Variants in FSD2 observed in about 807,000 individuals in gnomAD.
The protein encoded by FSD2 is fibronectin type III and SPRY domain containing 2.
FSD2 carries 71 observed loss-of-function variants against 80.4 expected under a neutral mutation model. That is an observed-to-expected ratio of 0.88 (90% CI 0.73 to 1.08). The LOEUF is 1.08. Among genes scored for constraint, FSD2 ranks in the 50% least tolerant of loss-of-function variants. The probability of loss-of-function intolerance (pLI) is 0.00; values close to 1 mark genes in which losing one functional copy is unlikely to be tolerated. For missense variants in FSD2, 923 were observed against 913.8 expected (o/e 1.01, Z -0.13); for synonymous variants, 361 against 329.5 (o/e 1.10, Z -1.03).
At chr15:82,794,874 G>A (rs1190178309) in intron 1 of FSD2, among the ~76,000 whole-genome samples, 8 of 151,886 alleles carry the variant, frequency 5.3e-5, no homozygotes, top group Admixed American at 3.3e-4. Context: ...ACAGGCGCCC[G>A]CCACCACGCC....
intron 11 of FSD2, among the ~76,000 whole-genome samples, chr15:82,764,501 T>TC (rs2049365418): frequency 7.0e-6 from 1 of 141,938 alleles, no homozygotes; most frequent in South Asian, 2.3e-4. Context: ...GCTTTTTTTT[T>TC]TTTTTTTTTT....
At chr15:82,787,656 G>C (rs540735725) in intron 1 of FSD2, among the ~76,000 whole-genome samples, 188 bp from the exon 2 acceptor site, 4 of 151,592 alleles carry the variant, frequency 2.6e-5, no homozygotes, top group African/African-American at 9.7e-5. Flanking sequence ...GGTTAAAAGA[G>C]ACAAAAGAAA....
intron 9 of FSD2, among the ~76,000 whole-genome samples, chr15:82,768,150 T>C (rs1036701756): frequency 2.0e-5 from 3 of 152,254 alleles, no homozygotes; most frequent in African/African-American, 7.2e-5. Context: ...TCTTCTGTGA[T>C]AGATGAAACA....
At chr15:82,771,961 G>T in intron 7 of FSD2, 112 bp downstream of exon 7, 1 of 1,143,204 alleles carries the variant, frequency 8.7e-7, no homozygotes. Flanking sequence ...TCCTCTGCAT[G>T]TCTAGACCCA....
rs71156049 is a variant in FSD2 at position 82,769,565 on chromosome 15, CAAAA to C, written c.1402+181_1402+184del. Reference sequence around the variant, plus strand: ...ACTCCAGCCTGGGCGGGACTCATCTCAAAAAAAAAAAATGTCACTGTCAAACTAG... The same window carrying C: ...ACTCCAGCCTGGGCGGGACTCATCTCAAAAAAAATGTCACTGTCAAACTAG... On this transcript the variant is annotated intron_variant, in intron 8 of 12. Transcript: ENST00000334574. 2.1e-4 allele frequency among the ~76,000 whole-genome samples: 30 copies of C among 141,862 alleles called. 1 individual carries two copies. Among genetic ancestry groups the C allele is most frequent in the Non-Finnish European group, 6.2e-5 (4 of 64,774 alleles). 93.1% of individuals were successfully genotyped at this position (141,862 alleles called of 152,430 possible). A position where few individuals can be genotyped will look rare whatever the true frequency, so the allele number is the denominator to read the frequency against.
In FSD2 at chr15:82,795,657, C is replaced by T. The variant is rs918695396; in HGVS notation, c.-78-8189G>A. On this transcript the variant is annotated intron_variant, in intron 1 of 12. Transcript: ENST00000334574. ...CCAGCCTGGGCAATATGGTGAAAAC[C>T]CATCTCTACCAAAAATACAAAAAAA... is the stretch of plus-strand genomic sequence containing the variant. 5.3e-4 allele frequency among the ~76,000 whole-genome samples: 81 copies of T among 151,828 alleles called. 1 individual carries two copies. Among genetic ancestry groups the T allele is most frequent in the African/African-American group, 1.9e-3 (77 of 41,296 alleles).
intron 6 of FSD2, among the ~76,000 whole-genome samples, chr15:82,778,030 G>A (rs2049754868): frequency 1.3e-5 from 2 of 148,502 alleles, no homozygotes; most frequent in South Asian, 2.1e-4. Context: ...TAACTACTCA[G>A]GAGGCTGAGG....
At chr15:82,781,422 A>G (rs758794618) in intron 4 of FSD2, among the ~76,000 whole-genome samples, 125 of 152,098 alleles carry the variant, frequency 8.2e-4, no homozygotes, top group Admixed American at 1.7e-3. Context: ...GGGCGACTGT[A>G]CTCTTGGACA....
intron 1 of FSD2, among the ~76,000 whole-genome samples, chr15:82,805,654 G>A (rs923673511): frequency 6.6e-6 from 1 of 152,128 alleles, no homozygotes; most frequent in Non-Finnish European, 1.5e-5. Context: ...TTTCCAAACT[G>A]TTCTACCAAA....
intron 6 of FSD2, among the ~76,000 whole-genome samples, chr15:82,776,674 C>A (rs534092293): frequency 6.1e-4 from 93 of 152,090 alleles, no homozygotes; most frequent in African/African-American, 2.1e-3. Context: ...AAATGATCTA[C>A]AGATTCAAGG....
intron 1 of FSD2, among the ~76,000 whole-genome samples, chr15:82,794,721 C>G (rs1337822681): frequency 6.8e-6 from 1 of 146,438 alleles, no homozygotes; most frequent in Non-Finnish European, 1.5e-5. Context: ...TGGATTGGCT[C>G]TTTTCTTTTT....
In FSD2 at chr15:82,765,301, G is replaced by A; in HGVS notation, c.1688-3C>T. 6.2e-7 allele frequency: 1 copy of A among 1,613,146 alleles called. No individual in the cohort carries two copies. The highest frequency in any genetic ancestry group is 1.1e-5 in the South Asian group (1 of 90,894). ...CTTGTTTAGGCGAAAGTAGCTTCCTGTGGGAGGAGGAACACACAGAAGACC... is the reference window on the plus strand; with the variant it reads ...CTTGTTTAGGCGAAAGTAGCTTCCTATGGGAGGAGGAACACACAGAAGACC... On this transcript the variant is annotated splice_polypyrimidine_tract_variant and splice_region_variant and intron_variant, in intron 10 of 12. Coordinates refer to ENST00000334574, the MANE Select transcript of FSD2 (RefSeq NM_001007122.4).
At chr15:82,799,305 C>T (rs1375327540) in intron 1 of FSD2, among the ~76,000 whole-genome samples, 1 of 152,156 alleles carries the variant, frequency 6.6e-6, no homozygotes, top group Non-Finnish European at 1.5e-5. Context: ...CTGTGTCCCC[C>T]GGCTCAGCTG....
intron 6 of FSD2, among the ~76,000 whole-genome samples, chr15:82,774,791 G>A (rs559843921): frequency 3.6e-4 from 54 of 150,788 alleles, no homozygotes; most frequent in African/African-American, 1.2e-3. Context: ...GTGCGATCTC[G>A]GCTCACCACA....
intron 6 of FSD2, among the ~76,000 whole-genome samples, chr15:82,777,295 G>C (rs1303455362): frequency 1.3e-5 from 2 of 152,042 alleles, no homozygotes; most frequent in African/African-American, 4.8e-5. Context: ...ACAACCTGCA[G>C]AATAGAAGAA....
intron 1 of FSD2, among the ~76,000 whole-genome samples, chr15:82,798,571 G>A (rs1428265561): frequency 2.6e-5 from 4 of 152,080 alleles, no homozygotes; most frequent in Admixed American, 6.5e-5. Context: ...AGAAAAATAA[G>A]CAAAATATTT....
At chr15:82,786,662 G>T in intron 2 of FSD2, 56 bp from the exon 3 acceptor site, 1 of 1,603,388 alleles carries the variant, frequency 6.2e-7, no homozygotes, top group Non-Finnish European at 8.5e-7. Flanking sequence ...TCTCACTCTT[G>T]TAGAAGGCGT....
At chr15:82,788,029 G>T (rs2050045313) in intron 1 of FSD2, among the ~76,000 whole-genome samples, 1 of 152,036 alleles carries the variant, frequency 6.6e-6, no homozygotes, top group South Asian at 2.1e-4. Flanking sequence ...GCCTCCCAAA[G>T]TGCTGGAATT....
intron 4 of FSD2, among the ~76,000 whole-genome samples, chr15:82,780,632 T>A (rs1596246166): frequency 6.6e-6 from 1 of 151,808 alleles, no homozygotes; most frequent in Non-Finnish European, 1.5e-5. Flanking sequence ...CGTGCCTGGC[T>A]GGAAATAAAT....
Sources: allele counts gnomAD v4.1 joint callset (sites outside exome capture counted in the v4.1 genomes callset), GRCh38; gene constraint gnomAD v4.1.1; transcripts MANE v1.5; gene names NCBI Gene and HGNC (gene_info 2026-07-23, HGNC 2026-07-21).